Variants in TNRC6C observed in about 807,000 individuals in gnomAD.
TNRC6C encodes the protein trinucleotide repeat-containing gene 6C protein.
TNRC6C carries 20 observed loss-of-function variants against 153.7 expected under a neutral mutation model. The ratio of observed to expected loss-of-function variants is 0.13; its 90% CI spans 0.09 to 0.19. TNRC6C has a LOEUF of 0.19. Ranked by LOEUF, TNRC6C falls within the 10% of genes least tolerant of loss-of-function variation. TNRC6C has a pLI of 1.00. For missense variants in TNRC6C, 1,987 were observed against 2,172.0 expected, an observed-to-expected ratio of 0.91 and a Z score of 1.69; for synonymous variants, 811 against 841.4, an observed-to-expected ratio of 0.96 and a Z score of 0.63.
intron 16 of TNRC6C, among the ~76,000 whole-genome samples, chr17:78,095,287 G>A (rs2073465320): frequency 6.6e-6 from 1 of 152,206 alleles, no homozygotes; most frequent in Non-Finnish European, 1.5e-5. Flanking sequence ...CGTGACAGCT[G>A]TCCTCAAGCT....
chr17:78,031,102 C>A (rs572261213), intron 1 of TNRC6C, among the ~76,000 whole-genome samples: 1 of 150,906 alleles, frequency 6.6e-6, no homozygotes, highest in East Asian at 1.9e-4. Context: ...CACTGTCTCA[C>A]ACTTAAAAAA....
upstream of TNRC6C, chr17:78,005,042 C>CTCT: frequency 1.1e-6 from 1 of 918,632 alleles, no homozygotes; most frequent in Non-Finnish European, 1.4e-6. Context: ...CTTTCTCTCT[C>CTCT]TTTTTTTTTT....
At chr17:78,097,496 A>C (rs1326342763) in intron 16 of TNRC6C, among the ~76,000 whole-genome samples, 1 of 152,198 alleles carries the variant, frequency 6.6e-6, no homozygotes, top group Non-Finnish European at 1.5e-5. Context: ...AAAGAAGCTC[A>C]TGCTGCTTCT....
At chr17:78,093,329 A>C in intron 15 of TNRC6C, 1 of 691,658 alleles carries the variant, frequency 1.4e-6, no homozygotes. Context: ...GTAAACCCTT[A>C]GTTCAGCATG....
At chr17:77,987,083 T>C (rs144906766) in intron 1 of TNRC6C, among the ~76,000 whole-genome samples, 1 of 152,242 alleles carries the variant, frequency 6.6e-6, no homozygotes, top group East Asian at 1.9e-4. Flanking sequence ...AGACAAAAAC[T>C]GGGGGAAGTG....
At chr17:78,099,615 G>T (rs528369337) in intron 17 of TNRC6C, among the ~76,000 whole-genome samples, 1 of 152,254 alleles carries the variant, frequency 6.6e-6, no homozygotes, top group East Asian at 1.9e-4. Context: ...CCTCCCACTG[G>T]GTTCCTTCAC....
chr17:78,073,992 T>C (rs952573568), intron 7 of TNRC6C, among the ~76,000 whole-genome samples: 1 of 152,192 alleles, frequency 6.6e-6, no homozygotes, highest in African/African-American at 2.4e-5. Context: ...TACAGGTCAG[T>C]GAATTTTTTA....
At chr17:77,963,689 C>T (rs547862073) in intron 1 of TNRC6C, among the ~76,000 whole-genome samples, 3 of 152,270 alleles carry the variant, frequency 2.0e-5, no homozygotes, top group Non-Finnish European at 2.9e-5. Flanking sequence ...TCTCCTGAGC[C>T]CTCTGTGGCT....
rs191756570 is a variant in TNRC6C, at chr17:78,071,988, G to A, written c.2859+823G>A. The stretch of plus-strand genomic sequence containing the variant: ...GGCAGTTCAGATGGCAAGGGATGTC[G>A]CCCATATTCGCCATGTATTCGCTTC... On this transcript the variant is annotated intron_variant, in intron 6 of 19. Coordinates refer to ENST00000301624, the Ensembl canonical transcript of TNRC6C. Among the ~76,000 whole-genome samples, 10 of 152,278 alleles carry A rather than the reference G, an allele frequency of 6.6e-5. No individual in the cohort carries two copies. In the South Asian group the frequency reaches 8.3e-4, roughly 13 times the overall value.
chr17:78,088,832 T>G (rs1301954836), intron 13 of TNRC6C, among the ~76,000 whole-genome samples: 1 of 152,142 alleles, frequency 6.6e-6, no homozygotes, highest in East Asian at 1.9e-4. Flanking sequence ...CAGCTACTTA[T>G]GTAAGTGCTT....
At chr17:78,061,132 A>T (rs1186104564) in intron 3 of TNRC6C, among the ~76,000 whole-genome samples, 1 of 152,214 alleles carries the variant, frequency 6.6e-6, no homozygotes, top group East Asian at 1.9e-4. Context: ...AAGGGAGGTA[A>T]CGATTCTAAG....
chr17:78,031,663 G>A (rs2072077020), exon 2 of TNRC6C: 3 of 1,232,458 alleles, frequency 2.4e-6, no homozygotes, highest in African/African-American at 1.5e-5. Context: ...TACCTGCCTC[G>A]TGAGGTGCCT....
Position 78,071,394 on chromosome 17 carries a change from G to A in TNRC6C, c.2859+229G>A, listed in dbSNP as rs1378334539. Among the ~76,000 whole-genome samples, 5 of 152,300 alleles carry A rather than the reference G, an allele frequency of 3.3e-5. No homozygotes were observed. The East Asian group carries it at 9.6e-4, about 29-fold the overall frequency. On this transcript the variant is annotated intron_variant, in intron 6 of 19. Coordinates refer to ENST00000301624, the Ensembl canonical transcript of TNRC6C. The stretch of plus-strand genomic sequence containing the variant: ...CCACACAATTTCTATCAAAAAGGGT[G>A]TGAGAGCCTTTTCCTAGAATAGAAA...
At chr17:77,972,511 TAA>T (rs747461343) in intron 1 of TNRC6C, among the ~76,000 whole-genome samples, 32 of 131,362 alleles carry the variant, frequency 2.4e-4, no homozygotes, top group African/African-American at 2.0e-4. Context: ...GACTCTGTCT[TAA>T]AAAAAAAAAA....
Position 78,065,059 on chromosome 17 carries a change from A to G in TNRC6C, c.2611+122A>G. The G allele has an allele frequency of 4.2e-6, 5 of 1,200,308 alleles. No homozygotes were observed. The South Asian group carries it at 7.0e-5, about 17-fold the overall frequency. 74.4% of individuals were successfully genotyped at this position (1,200,308 alleles called of 1,614,324 possible). Reference sequence around the variant, plus strand: ...ATATTTACACTTTAACTACAAACCAAGAGTCTTGGCCAAGCACAGTGCCTC... The same window carrying G: ...ATATTTACACTTTAACTACAAACCAGGAGTCTTGGCCAAGCACAGTGCCTC... On this transcript the variant is annotated intron_variant, in intron 4 of 19. Transcript: ENST00000301624.
intron 11 of TNRC6C, among the ~76,000 whole-genome samples, chr17:78,085,845 T>G (rs907394137): frequency 6.6e-6 from 1 of 151,580 alleles, no homozygotes; most frequent in Non-Finnish European, 1.5e-5. Flanking sequence ...GTTTTTTGTT[T>G]TTTTTTTTTA....
chr17:78,080,776 A>G (rs1371135809), intron 10 of TNRC6C, among the ~76,000 whole-genome samples: 2 of 152,206 alleles, frequency 1.3e-5, no homozygotes, highest in East Asian at 1.9e-4. Flanking sequence ...ACAACATTCT[A>G]GCATTCTAGC....
rs2073135431 is a variant in TNRC6C at position 78,079,152 on chromosome 17, G to A, written c.3211-243G>A. On this transcript the variant is annotated intron_variant, in intron 9 of 19. Coordinates refer to ENST00000301624, the Ensembl canonical transcript of TNRC6C. This position sits in a 1 kb window ranked among gnomAD's most constrained non-coding sequence, Gnocchi z 4.3. ...TAATCCCAGCTACTCGGGAGGCTGA[G>A]GCAGGAGAATCACTTGGACCCAGGA... 6.6e-6 allele frequency among the ~76,000 whole-genome samples: 1 copy of A among 151,614 alleles called. No homozygotes were observed. Among genetic ancestry groups the A allele is most frequent in the Admixed American group, 6.6e-5 (1 of 15,230 alleles).
chr17:77,980,504 G>A (rs574614133), intron 1 of TNRC6C, among the ~76,000 whole-genome samples: 2 of 152,300 alleles, frequency 1.3e-5, no homozygotes, highest in African/African-American at 4.8e-5. Flanking sequence ...AGACTTCTGT[G>A]AGCAAATGTG....
Sources: gnomAD v4.1 joint callset for allele counts (sites outside exome capture counted in the v4.1 genomes callset) on GRCh38, gnomAD v4.1.1 for gene constraint, Gnocchi (gnomAD v3.1) non-coding constraint, MANE v1.5 for transcripts, NCBI Gene and HGNC (gene_info 2026-07-23, HGNC 2026-07-21) for gene names.